The following STPG2 variants were observed in gnomAD, a reference collection of about 807,000 sequenced individuals.
The protein encoded by STPG2 is sperm-tail PG-rich repeat-containing protein 2.
A neutral mutation model predicts 54.2 loss-of-function variants in STPG2; 56 were observed. The observed-to-expected ratio is 1.03, with a 90% CI of 0.83 to 1.29. STPG2 has a LOEUF of 1.29. Among genes scored for constraint, STPG2 ranks in the 50% most tolerant of loss-of-function variants. STPG2 has a pLI of 0.00. For synonymous variants in STPG2, 200 were observed against 181.8 expected, an observed-to-expected ratio of 1.10 and a Z score of -0.81; for missense variants, 596 against 544.9, an observed-to-expected ratio of 1.09 and a Z score of -0.93.
chr4:97,883,214 T>A (rs1310664377), intron 8 of STPG2, among the ~76,000 whole-genome samples: 1 of 151,250 alleles, frequency 6.6e-6, no homozygotes, highest in South Asian at 2.1e-4. Context: ...TATACACACA[T>A]ACATATATGT....
At chr4:97,518,906 C>T (rs1371807944) in intron 4 of STPG2, among the ~76,000 whole-genome samples, 2 of 152,098 alleles carry the variant, frequency 1.3e-5, no homozygotes, top group Non-Finnish European at 2.9e-5. Flanking sequence ...TGCCAGGGAA[C>T]ATTAACAAGT....
chr4:97,576,541 A>G (rs1469718608), intron 10 of STPG2, among the ~76,000 whole-genome samples: 2 of 152,164 alleles, frequency 1.3e-5, no homozygotes, highest in Admixed American at 6.6e-5. Flanking sequence ...ATAACTTGCT[A>G]GCCATATGCA....
intron 5 of STPG2, among the ~76,000 whole-genome samples, chr4:97,986,968 T>A (rs1734850389): frequency 6.6e-6 from 1 of 152,192 alleles, no homozygotes; most frequent in South Asian, 2.1e-4. Flanking sequence ...ACTTTTAATG[T>A]CATATTTTCC....
intron 5 of STPG2, among the ~76,000 whole-genome samples, chr4:98,094,493 C>T (rs1738787016): frequency 6.6e-6 from 1 of 152,156 alleles, no homozygotes; most frequent in African/African-American, 2.4e-5. Flanking sequence ...GGGACTTTGT[C>T]TCGCACCAAC....
At chr4:97,830,011 G>C (rs1728400034) in intron 9 of STPG2, among the ~76,000 whole-genome samples, 1 of 152,020 alleles carries the variant, frequency 6.6e-6, no homozygotes, top group South Asian at 2.1e-4. Context: ...TCAAATTCAG[G>C]AAATACAGAG....
chr4:98,042,959 G>T (rs1737011684), intron 5 of STPG2, among the ~76,000 whole-genome samples: 1 of 151,780 alleles, frequency 6.6e-6, no homozygotes, highest in Admixed American at 6.6e-5. Context: ...TTATTATATT[G>T]CTATCAATTT....
chr4:97,863,870 T>G (rs1352072169), intron 8 of STPG2, among the ~76,000 whole-genome samples: 1 of 152,174 alleles, frequency 6.6e-6, no homozygotes, highest in African/African-American at 2.4e-5. Context: ...TCTCAATAGA[T>G]GCAGAAAAGG....
intron 3 of STPG2, among the ~76,000 whole-genome samples, chr4:98,125,431 T>C (rs1007279583): frequency 1.6e-4 from 25 of 152,172 alleles, no homozygotes; most frequent in Admixed American, 1.6e-3. Context: ...CCCTCCTCTG[T>C]AGGGCTGCAG....
intron 5 of STPG2, among the ~76,000 whole-genome samples, chr4:98,000,913 A>C (rs1735393118): frequency 6.6e-6 from 1 of 152,138 alleles, no homozygotes; most frequent in East Asian, 1.9e-4. Flanking sequence ...TTTCCATATA[A>C]ATTTAGGCAA....
At chr4:97,443,295 A>G (rs1578301717) in intron 4 of STPG2, among the ~76,000 whole-genome samples, 1 of 152,200 alleles carries the variant, frequency 6.6e-6, no homozygotes, top group East Asian at 1.9e-4. Context: ...CGGGATCTCT[A>G]AAGATAAAAC....
At chr4:97,553,853 T>G (rs1353259801) in intron 4 of STPG2, among the ~76,000 whole-genome samples, 3 of 152,178 alleles carry the variant, frequency 2.0e-5, no homozygotes, top group Non-Finnish European at 1.5e-5. Flanking sequence ...CCGAACCTCA[T>G]GAGAGTGACA....
At chr4:97,827,947 T>TTAAA (rs1728314120) in intron 9 of STPG2, among the ~76,000 whole-genome samples, 1 of 152,106 alleles carries the variant, frequency 6.6e-6, no homozygotes, top group East Asian at 1.9e-4. Context: ...GGAATTTACC[T>TTAAA]AACTTATAGG....
intron 8 of STPG2, among the ~76,000 whole-genome samples, chr4:97,904,743 A>G (rs901968263): frequency 1.2e-4 from 18 of 152,216 alleles, no homozygotes; most frequent in Admixed American, 1.2e-3. Flanking sequence ...TAGAATAATC[A>G]ATACAGAGAA....
chr4:97,638,077 T>C (rs1721621045), intron 10 of STPG2, among the ~76,000 whole-genome samples: 2 of 152,122 alleles, frequency 1.3e-5, no homozygotes, highest in African/African-American at 4.8e-5. Context: ...GCCATCACAC[T>C]ACCTGACTTC....
At chr4:98,142,568 G>GA (rs201240028) in intron 1 of STPG2, among the ~76,000 whole-genome samples, 151 of 144,060 alleles carry the variant, frequency 1.0e-3, no homozygotes, top group African/African-American at 3.4e-3. Context: ...AAATCTGTCT[G>GA]AAAAAAAAAC....
intron 10 of STPG2, among the ~76,000 whole-genome samples, chr4:97,637,727 T>A (rs1721608176): frequency 1.3e-5 from 2 of 152,168 alleles, no homozygotes; most frequent in African/African-American, 2.4e-5. Context: ...AAATCATGAG[T>A]GAACTCCCAT....
chr4:97,916,661 C>G (rs1372622194), intron 8 of STPG2: 1 of 152,812 alleles, frequency 6.5e-6, no homozygotes, highest in Non-Finnish European at 1.5e-5. Flanking sequence ...TGGAGAGCCT[C>G]CAGGAAGACG....
chr4:97,481,622 C>A (rs917568117), intron 4 of STPG2, among the ~76,000 whole-genome samples: 2 of 151,440 alleles, frequency 1.3e-5, no homozygotes, highest in African/African-American at 4.8e-5. Context: ...ATCGGTGGCA[C>A]AATTTCAACT....
chr4:97,972,153 A>G (rs1046844219), intron 7 of STPG2, 127 bp downstream of exon 7: 2 of 562,542 alleles, frequency 3.6e-6, no homozygotes, highest in Non-Finnish European at 5.7e-6. Flanking sequence ...ACTTTCCTTA[A>G]CATATGGAAC....
Sources: allele counts gnomAD v4.1 joint callset (sites outside exome capture counted in the v4.1 genomes callset), GRCh38; gene constraint gnomAD v4.1.1; transcripts MANE v1.5; gene names NCBI Gene and HGNC (gene_info 2026-07-23, HGNC 2026-07-21).